NDST4: variants seen among roughly 807,000 people sequenced by gnomAD.
The protein encoded by NDST4 is N-deacetylase and N-sulfotransferase 4.
A neutral mutation model predicts 100.8 loss-of-function variants in NDST4; 63 were observed. That is an observed-to-expected ratio of 0.62 (90% CI 0.51 to 0.77). The LOEUF is 0.77. Among genes scored for constraint, NDST4 ranks in the 30% least tolerant of loss-of-function variants. The pLI is 0.00. For synonymous variants in NDST4, 377 were observed against 361.8 expected (o/e 1.04, Z -0.48); for missense variants, 943 against 1,018.4 (o/e 0.93, Z 1.01).
chr4:114,965,028 TTTTA>T (rs908179205), intron 4 of NDST4, among the ~76,000 whole-genome samples: 9 of 152,236 alleles, frequency 5.9e-5, no homozygotes, highest in African/African-American at 2.2e-4. Flanking sequence ...GTAAAGATTT[TTTTA>T]TTTGTTATTG....
At chr4:114,961,546 A>G (rs1475406630) in intron 4 of NDST4, among the ~76,000 whole-genome samples, 1 of 152,018 alleles carries the variant, frequency 6.6e-6, no homozygotes, top group Non-Finnish European at 1.5e-5. Flanking sequence ...AACTGCCATG[A>G]GGTAATACTA....
At chr4:114,968,922 T>C (rs1726442873) in intron 4 of NDST4, among the ~76,000 whole-genome samples, 1 of 152,038 alleles carries the variant, frequency 6.6e-6, no homozygotes, top group Non-Finnish European at 1.5e-5. Flanking sequence ...TCTCTGCAGA[T>C]CTACTGAATC....
intron 6 of NDST4, among the ~76,000 whole-genome samples, chr4:114,931,127 G>T (rs1725504417): frequency 6.6e-6 from 1 of 151,764 alleles, no homozygotes; most frequent in African/African-American, 2.4e-5. Context: ...ATAAAATTAT[G>T]ATTTTTAATT....
intron 2 of NDST4, among the ~76,000 whole-genome samples, chr4:115,049,070 A>G (rs1353407480): frequency 6.6e-6 from 1 of 152,158 alleles, no homozygotes; most frequent in Non-Finnish European, 1.5e-5. Context: ...ATGATTGAGG[A>G]TGTTCAATTA....
chr4:115,110,984 C>T (rs1346426504), intron 1 of NDST4, among the ~76,000 whole-genome samples: 1 of 151,966 alleles, frequency 6.6e-6, no homozygotes, highest in Non-Finnish European at 1.5e-5. Context: ...TTATGTTTCC[C>T]CAGCTGCTTT....
chr4:114,886,585 T>C (rs1724483066), intron 6 of NDST4, among the ~76,000 whole-genome samples: 1 of 152,150 alleles, frequency 6.6e-6, no homozygotes, highest in Non-Finnish European at 1.5e-5. Flanking sequence ...TGCCACCAAG[T>C]ATTTTCTAAT....
At chr4:115,075,958 A>T in intron 2 of NDST4, 101 bp downstream of exon 2, 1 of 1,374,796 alleles carries the variant, frequency 7.3e-7, no homozygotes, top group Non-Finnish European at 9.8e-7. Flanking sequence ...ACTCTACTGC[A>T]CCTTAAAACT....
intron 2 of NDST4, among the ~76,000 whole-genome samples, chr4:115,013,370 T>TATATATATATATATATATATATACAC (rs74678897): frequency 2.1e-4 from 15 of 71,462 alleles, no homozygotes; most frequent in Non-Finnish European, 3.9e-4. Flanking sequence ...TATATATATA[T>TATATATATATATATATATATATACAC]ACACACACAT....
At chr4:115,015,108 T>C (rs1727646532) in intron 2 of NDST4, among the ~76,000 whole-genome samples, 2 of 152,098 alleles carry the variant, frequency 1.3e-5, no homozygotes. Flanking sequence ...CCTAAAGGCA[T>C]GGCAAGATAT....
At chr4:114,878,854 G>A (rs1295463434) in intron 6 of NDST4, among the ~76,000 whole-genome samples, 1 of 151,790 alleles carries the variant, frequency 6.6e-6, no homozygotes, top group Non-Finnish European at 1.5e-5. Context: ...CATATCTTTT[G>A]TAAGCAAAGC....
intron 7 of NDST4, among the ~76,000 whole-genome samples, chr4:114,860,921 T>C (rs1460550693): frequency 6.6e-6 from 1 of 152,216 alleles, no homozygotes; most frequent in East Asian, 1.9e-4. Flanking sequence ...CTTAGTGATA[T>C]AGTTGATTTC....
intron 1 of NDST4, among the ~76,000 whole-genome samples, chr4:115,111,763 A>G (rs1729957338): frequency 6.6e-6 from 1 of 151,706 alleles, no homozygotes; most frequent in Admixed American, 6.6e-5. Flanking sequence ...CTTAGTGGTG[A>G]CCAGGTGCCA....
intron 2 of NDST4, among the ~76,000 whole-genome samples, chr4:115,004,954 A>G (rs1015796421): frequency 6.6e-6 from 1 of 152,214 alleles, no homozygotes; most frequent in Non-Finnish European, 1.5e-5. Context: ...TCATGATAGG[A>G]GAATTTTTCC....
intron 4 of NDST4, among the ~76,000 whole-genome samples, chr4:114,958,598 C>G (rs920621859): frequency 2.0e-5 from 3 of 152,150 alleles, no homozygotes; most frequent in Non-Finnish European, 4.4e-5. Context: ...GGCATTAAGT[C>G]CCCAGACTGC....
intron 7 of NDST4, 38 bp downstream of exon 7, chr4:114,870,730 T>G: frequency 3.3e-6 from 5 of 1,533,796 alleles, no homozygotes; most frequent in Non-Finnish European, 4.4e-6. Context: ...ATTGCTAGTT[T>G]CTTTCCTTCC....
intron 1 of NDST4, among the ~76,000 whole-genome samples, chr4:115,083,916 G>A (rs1203514325): frequency 2.0e-5 from 3 of 152,112 alleles, no homozygotes; most frequent in African/African-American, 7.2e-5. Context: ...ATAGAAGCGT[G>A]AGAATGGACT....
chr4:115,091,394 C>T (rs1729516383), intron 1 of NDST4, among the ~76,000 whole-genome samples: 1 of 151,982 alleles, frequency 6.6e-6, no homozygotes, highest in African/African-American at 2.4e-5. Flanking sequence ...ATAAAATGAA[C>T]AATATGAACA....
At chr4:114,904,702 T>G (rs1054911547) in intron 6 of NDST4, among the ~76,000 whole-genome samples, 2 of 139,404 alleles carry the variant, frequency 1.4e-5, no homozygotes, top group Non-Finnish European at 3.0e-5. Context: ...ATTTGTAGAG[T>G]TTTTTTTACA....
rs1441628 is a variant in NDST4, at chr4:114,910,392, C to G, written c.1536+24814G>C. ...ACATCATAATATTTCAATCTTATGA[C>G]AGTCATTCTAGAGAACAGGTGTCTG... On this transcript the variant is annotated intron_variant, in intron 6 of 13. Coordinates refer to ENST00000264363, the MANE Select transcript of NDST4 (RefSeq NM_022569.3). Among the ~76,000 whole-genome samples the G allele has an allele frequency of 7.6e-3, 1,164 of 152,202 alleles. 16 individuals are homozygous for G. The highest frequency in any genetic ancestry group is 0.027 in the African/African-American group (1,111 of 41,530).
Sources: gnomAD v4.1 joint callset for allele counts (sites outside exome capture counted in the v4.1 genomes callset) on GRCh38, gnomAD v4.1.1 for gene constraint, MANE v1.5 for transcripts, NCBI Gene and HGNC (gene_info 2026-07-23, HGNC 2026-07-21) for gene names.